The following LMO7 variants were observed in gnomAD, a reference collection of about 807,000 sequenced individuals.
LMO7 encodes LIM domain 7.
A neutral mutation model predicts 206.5 loss-of-function variants in LMO7; 120 were observed. That is an observed-to-expected ratio of 0.58 (90% CI 0.50 to 0.68). The LOEUF (loss-of-function observed/expected upper bound fraction) is 0.68. LMO7 is among the 30% of genes least tolerant of loss of function. LMO7 has a pLI of 0.00. For synonymous variants in LMO7, 706 were observed against 681.5 expected, an observed-to-expected ratio of 1.04 and a Z score of -0.56; for missense variants, 1,959 against 1,957.9, an observed-to-expected ratio of 1.00 and a Z score of -0.01.
At chr13:75,822,844 A>C (rs905402258) in intron 14 of LMO7, among the ~76,000 whole-genome samples, 3 of 145,236 alleles carry the variant, frequency 2.1e-5, no homozygotes, top group African/African-American at 7.5e-5. Flanking sequence ...ATATATATAT[A>C]AAACTTTTGC....
chr13:75,720,917 T>G (rs2043968674), intron 2 of LMO7, among the ~76,000 whole-genome samples: 1 of 152,214 alleles, frequency 6.6e-6, no homozygotes, highest in African/African-American at 2.4e-5. Flanking sequence ...ATATTTATAT[T>G]GAATGCTTTT....
chr13:75,857,914 C>G lies in LMO7; in HGVS notation c.4874-7C>G, dbSNP rs372639905. On this transcript the variant is annotated splice_polypyrimidine_tract_variant and splice_region_variant and intron_variant, in intron 30 of 30. Transcript: ENST00000377534. Reference sequence around the variant, plus strand: ...CACTTTTCTTTCTTTTCTCCTTGCCCGATCAGCTGGACGGCCAACCGCCAT... The same window carrying G: ...CACTTTTCTTTCTTTTCTCCTTGCCGGATCAGCTGGACGGCCAACCGCCAT... 5.0e-6 allele frequency: 8 copies of G among 1,592,410 alleles called. No individual in the cohort carries two copies. The highest frequency in any genetic ancestry group is 1.2e-5 in the South Asian group (1 of 86,934).
At chr13:75,626,461 A>T (rs2034104128) in intron 2 of LMO7, among the ~76,000 whole-genome samples, 1 of 150,834 alleles carries the variant, frequency 6.6e-6, no homozygotes, top group South Asian at 2.1e-4. Context: ...ACATGATTCA[A>T]TTACCTCCCC....
At chr13:75,627,407 A>G (rs2034340302) in intron 2 of LMO7, 1 of 152,254 alleles carries the variant, frequency 6.6e-6, no homozygotes, top group Non-Finnish European at 1.5e-5. Context: ...TTTTCAACTT[A>G]TAATGGGTTT....
At chr13:75,800,018 T>A (rs1249748379) in intron 6 of LMO7, among the ~76,000 whole-genome samples, 3 of 152,218 alleles carry the variant, frequency 2.0e-5, no homozygotes, top group Admixed American at 6.5e-5. Flanking sequence ...GAAAATAAGT[T>A]ATATATGTCA....
chr13:75,698,548 C>G (rs1442569156), intron 1 of LMO7, among the ~76,000 whole-genome samples: 2 of 151,262 alleles, frequency 1.3e-5, no homozygotes, highest in Non-Finnish European at 2.9e-5. Flanking sequence ...CTTGGCCTCC[C>G]AAAGTGCTGG....
chr13:75,765,877 A>C lies in LMO7; in HGVS notation c.317+4839A>C, dbSNP rs530773030. ...GCTCTCTACTCCCTCAAATCCAAAA[A>C]AGCCCTGGGGTCTGATTCTGTCTTG... On this transcript the variant is annotated intron_variant, in intron 4 of 30. Coordinates refer to ENST00000377534, the MANE Select transcript of LMO7 (RefSeq NM_001306080.2). 9.3e-4 allele frequency among the ~76,000 whole-genome samples: 142 copies of C among 152,170 alleles called. 1 individual carries two copies. Among genetic ancestry groups the C allele is most frequent in the Middle Eastern group, 3.4e-3 (1 of 294 alleles).
intron 3 of LMO7, among the ~76,000 whole-genome samples, chr13:75,739,831 G>A (rs989813809): frequency 1.3e-5 from 2 of 152,138 alleles, no homozygotes; most frequent in African/African-American, 4.8e-5. Context: ...CCATGACTCT[G>A]TTTGTCCTAT....
At chr13:75,645,852 C>G (rs987860761) in intron 1 of LMO7, among the ~76,000 whole-genome samples, 1 of 152,200 alleles carries the variant, frequency 6.6e-6, no homozygotes, top group Admixed American at 6.5e-5. Flanking sequence ...GTTAGAACAT[C>G]CAAGGACTCA....
intron 4 of LMO7, chr13:75,789,114 A>G (rs918509027): frequency 6.6e-6 from 1 of 152,106 alleles, no homozygotes; most frequent in Non-Finnish European, 1.5e-5. Flanking sequence ...TACCTTTTCT[A>G]TTAGGATATG....
intron 1 of LMO7, among the ~76,000 whole-genome samples, chr13:75,674,904 G>A (rs1246279440): frequency 6.6e-6 from 1 of 152,160 alleles, no homozygotes; most frequent in Non-Finnish European, 1.5e-5. Context: ...TAATTGTAAA[G>A]AAAATACAAG....
At chr13:75,733,572 C>A (rs542079866) in intron 3 of LMO7, among the ~76,000 whole-genome samples, 1 of 152,182 alleles carries the variant, frequency 6.6e-6, no homozygotes, top group Non-Finnish European at 1.5e-5. Flanking sequence ...TGACCCCTTG[C>A]GCTTCCCGAG....
intron 3 of LMO7, among the ~76,000 whole-genome samples, chr13:75,730,428 A>G (rs1207640271): frequency 6.6e-6 from 1 of 152,142 alleles, no homozygotes; most frequent in Non-Finnish European, 1.5e-5. Flanking sequence ...AGGGTTTTGT[A>G]GTATTCTCTG....
chr13:75,772,791 G>A (rs1157028448), intron 4 of LMO7, among the ~76,000 whole-genome samples: 1 of 152,126 alleles, frequency 6.6e-6, no homozygotes, highest in Non-Finnish European at 1.5e-5. Flanking sequence ...GGGTAAGAAT[G>A]TACTCAGACT....
intron 1 of LMO7, among the ~76,000 whole-genome samples, chr13:75,677,757 A>G (rs2040135309): frequency 6.7e-6 from 1 of 149,810 alleles, no homozygotes; most frequent in Non-Finnish European, 1.5e-5. Flanking sequence ...TCGTCATTTA[A>G]CATTAGGTAT....
chr13:75,703,737 T>TGC (rs1177448224), intron 1 of LMO7, among the ~76,000 whole-genome samples: 33 of 146,022 alleles, frequency 2.3e-4, no homozygotes, highest in Admixed American at 9.3e-4. Flanking sequence ...TGTGTGTGTG[T>TGC]GTGCACTGTG....
intron 1 of LMO7, among the ~76,000 whole-genome samples, chr13:75,689,674 C>T (rs1162273657): frequency 6.6e-6 from 1 of 152,196 alleles, no homozygotes; most frequent in Non-Finnish European, 1.5e-5. Flanking sequence ...TGGCCTTCAT[C>T]TTTCTCCTGT....
At chr13:75,740,351 G>A (rs2046315273) in intron 3 of LMO7, among the ~76,000 whole-genome samples, 1 of 152,238 alleles carries the variant, frequency 6.6e-6, no homozygotes, top group African/African-American at 2.4e-5. Flanking sequence ...CCCTCTGGGA[G>A]GTCAAGGCGG....
chr13:75,727,130 T>G (rs1480158236), intron 3 of LMO7, 32 bp downstream of exon 3: 1 of 1,364,954 alleles, frequency 7.3e-7, no homozygotes, highest in African/African-American at 1.4e-5. Flanking sequence ...CAACTAAATT[T>G]ATTTGTCTTT....
Sources: allele counts gnomAD v4.1 joint callset (sites outside exome capture counted in the v4.1 genomes callset), GRCh38; gene constraint gnomAD v4.1.1; transcripts MANE v1.5; gene names NCBI Gene and HGNC (gene_info 2026-07-23, HGNC 2026-07-21).